Variants in THSD4 observed in about 807,000 individuals in gnomAD.
THSD4 encodes thrombospondin type 1 domain containing 4, also known as thrombospondin type-1 domain-containing protein 4.
In THSD4, 69 loss-of-function variants were observed where a neutral mutation model predicts 119.0. The ratio of observed to expected loss-of-function variants is 0.58; its 90% CI spans 0.48 to 0.71. THSD4 has a LOEUF of 0.71. THSD4 is among the 30% of genes least tolerant of loss of function. The probability of loss-of-function intolerance (pLI) is 0.00; values close to 1 mark genes in which losing one functional copy is unlikely to be tolerated. For missense variants in THSD4, 1,393 were observed against 1,391.1 expected (o/e 1.00, Z -0.02); for synonymous variants, 524 against 540.4 (o/e 0.97, Z 0.42).
chr15:71,353,096 C>G (rs930420475), intron 6 of THSD4, among the ~76,000 whole-genome samples: 1 of 152,224 alleles, frequency 6.6e-6, no homozygotes, highest in African/African-American at 2.4e-5. Context: ...TCTGAGCACT[C>G]TATACATGAG....
intron 6 of THSD4, among the ~76,000 whole-genome samples, chr15:71,347,950 T>C (rs1348567863): frequency 6.6e-6 from 1 of 152,168 alleles, no homozygotes; most frequent in Admixed American, 6.5e-5. Flanking sequence ...ATTTCAGTAA[T>C]CTTACCCTCT....
intron 6 of THSD4, among the ~76,000 whole-genome samples, chr15:71,360,437 G>A (rs1003057326): frequency 9.9e-5 from 15 of 152,148 alleles, no homozygotes; most frequent in African/African-American, 1.2e-4. Context: ...GAGAAGCAGC[G>A]TATGCATACA....
chr15:71,769,928 T>A (rs201289864), intron 16 of THSD4, among the ~76,000 whole-genome samples: 2,588 of 43,552 alleles, frequency 0.059, 614 homozygotes, highest in African/African-American at 0.32. Context: ...AAAATAAATT[T>A]AAAAAAAAAA....
chr15:71,449,089 G>C (rs546242805), intron 7 of THSD4, among the ~76,000 whole-genome samples: 1 of 152,282 alleles, frequency 6.6e-6, no homozygotes, highest in South Asian at 2.1e-4. Context: ...CGGGCGACCT[G>C]GTCACTGCCC....
intron 6 of THSD4, among the ~76,000 whole-genome samples, chr15:71,344,826 C>T (rs1372139739): frequency 6.6e-6 from 1 of 152,078 alleles, no homozygotes; most frequent in African/African-American, 2.4e-5. Flanking sequence ...CTGCCAGCAT[C>T]TTTGGGGCCG....
At chr15:71,334,378 G>A (rs970313868) in intron 6 of THSD4, among the ~76,000 whole-genome samples, 11 of 152,134 alleles carry the variant, frequency 7.2e-5, no homozygotes, top group African/African-American at 2.2e-4. Context: ...GGTGGACATC[G>A]GCAGCTTTCT....
intron 6 of THSD4, among the ~76,000 whole-genome samples, chr15:71,261,839 A>G (rs2044403653): frequency 6.6e-6 from 1 of 152,198 alleles, no homozygotes; most frequent in South Asian, 2.1e-4. Context: ...TAAAATGGTC[A>G]CTGACATTGA....
At chr15:71,429,169 A>G (rs1049745938) in intron 7 of THSD4, among the ~76,000 whole-genome samples, 2 of 152,236 alleles carry the variant, frequency 1.3e-5, no homozygotes, top group African/African-American at 4.8e-5. Context: ...AATGCGTGAC[A>G]CAGGAAAATC....
At chr15:71,487,487 G>A (rs2047840758) in intron 7 of THSD4, among the ~76,000 whole-genome samples, 1 of 152,174 alleles carries the variant, frequency 6.6e-6, no homozygotes, top group Admixed American at 6.5e-5. Context: ...GATTTTATGA[G>A]CATCTTGATA....
At chr15:71,707,429 TTTAA>T (rs1309312571) in intron 8 of THSD4, among the ~76,000 whole-genome samples, 38 of 152,272 alleles carry the variant, frequency 2.5e-4, no homozygotes, top group South Asian at 6.2e-4. Context: ...GTCCAAATAT[TTTAA>T]TTAAACCAAC....
At chr15:71,546,544 T>G (rs901874320) in intron 7 of THSD4, among the ~76,000 whole-genome samples, 2 of 152,342 alleles carry the variant, frequency 1.3e-5, no homozygotes, top group South Asian at 4.1e-4. Flanking sequence ...TGCATTTCAG[T>G]GTACTCTGAC....
intron 6 of THSD4, among the ~76,000 whole-genome samples, chr15:71,342,094 C>T (rs2045586140): frequency 6.6e-6 from 1 of 151,750 alleles, no homozygotes; most frequent in Non-Finnish European, 1.5e-5. Context: ...CATGCAGATG[C>T]AGAAACTGAT....
intron 6 of THSD4, among the ~76,000 whole-genome samples, chr15:71,334,548 G>A (rs925120920): frequency 2.0e-5 from 3 of 152,106 alleles, no homozygotes; most frequent in Non-Finnish European, 4.4e-5. Context: ...CCAGCTCTGG[G>A]GGCAGTTGGT....
intron 7 of THSD4, among the ~76,000 whole-genome samples, chr15:71,489,071 G>A (rs912047619): frequency 6.6e-5 from 10 of 152,274 alleles, no homozygotes; most frequent in Non-Finnish European, 1.2e-4. Context: ...GCTGAGGTAC[G>A]TCTTCTAGAA....
chr15:71,487,425 C>T (rs1402503745), intron 7 of THSD4, among the ~76,000 whole-genome samples: 2 of 152,188 alleles, frequency 1.3e-5, no homozygotes, highest in Non-Finnish European at 2.9e-5. Context: ...TCAACAGTGA[C>T]CACTTCCTTG....
At chr15:71,656,161 C>A (rs1431634261) in intron 7 of THSD4, among the ~76,000 whole-genome samples, 1 of 151,994 alleles carries the variant, frequency 6.6e-6, no homozygotes, top group Non-Finnish European at 1.5e-5. Context: ...GATAATAGTT[C>A]ATGAAACATC....
chr15:71,421,990 T>C (rs1223414371), intron 7 of THSD4, among the ~76,000 whole-genome samples: 3 of 152,252 alleles, frequency 2.0e-5, no homozygotes, highest in Admixed American at 2.0e-4. Context: ...AGTTAACTTT[T>C]TCAGCTCTAG....
In THSD4 at chr15:71,273,152, C is replaced by T. The variant is rs536657792; in HGVS notation, c.1015+16437C>T. Among the ~76,000 whole-genome samples, 5 of 152,124 alleles carry T rather than the reference C, an allele frequency of 3.3e-5. No individual in the cohort carries two copies. The East Asian group carries it at 5.8e-4, about 18-fold the overall frequency. ...ATATGGAAACAACCTAAGTGCCTAT[C>T]GACAGCTGAAAGGATTTAAAAATGT... On this transcript the variant is annotated intron_variant, in intron 6 of 17. Transcript: ENST00000261862.
chr15:71,154,789 C>T (rs555698181), intron 2 of THSD4, 74 bp from the exon 3 acceptor site: 167 of 1,458,348 alleles, frequency 1.1e-4, no homozygotes, highest in Non-Finnish European at 1.4e-4. Flanking sequence ...GATGAGATGG[C>T]GATGCTGCCT....
Sources: gnomAD v4.1 joint callset for allele counts (sites outside exome capture counted in the v4.1 genomes callset) on GRCh38, gnomAD v4.1.1 for gene constraint, MANE v1.5 for transcripts, NCBI Gene and HGNC (gene_info 2026-07-23, HGNC 2026-07-21) for gene names.